NFATC1: variants seen among roughly 807,000 people sequenced by gnomAD.
NFATC1 encodes nuclear factor of activated T-cells, cytoplasmic 1.
In NFATC1, 22 loss-of-function variants were observed where a neutral mutation model predicts 76.0. That is an observed-to-expected ratio of 0.29 (90% CI 0.21 to 0.41). NFATC1 has a LOEUF of 0.41. Among genes scored for constraint, NFATC1 ranks in the 10% least tolerant of loss-of-function variants. The pLI is 1.00. For synonymous variants in NFATC1, 704 were observed against 613.1 expected, an observed-to-expected ratio of 1.15 and a Z score of -2.19; for missense variants, 1,357 against 1,337.7, an observed-to-expected ratio of 1.01 and a Z score of -0.23.
At chr18:79,438,709 G>A (rs1600713973) in intron 3 of NFATC1, among the ~76,000 whole-genome samples, 1 of 152,180 alleles carries the variant, frequency 6.6e-6, no homozygotes, top group Non-Finnish European at 1.5e-5. Flanking sequence ...CCTCAGCCGC[G>A]CGGGTGAGAG....
chr18:79,439,195 T>C (rs1600715317), intron 3 of NFATC1, among the ~76,000 whole-genome samples: 1 of 152,086 alleles, frequency 6.6e-6, no homozygotes, highest in East Asian at 1.9e-4. Flanking sequence ...ACACAGGAGC[T>C]CCTGGTTCTC....
At chr18:79,436,127 A>C (rs2086766009) in intron 3 of NFATC1, among the ~76,000 whole-genome samples, 1 of 152,228 alleles carries the variant, frequency 6.6e-6, no homozygotes, top group African/African-American at 2.4e-5. Flanking sequence ...GTTGCCGTGG[A>C]AGCTCCTCGT....
intron 1 of NFATC1, among the ~76,000 whole-genome samples, chr18:79,409,318 C>T (rs947549716): frequency 7.7e-6 from 1 of 129,944 alleles, no homozygotes; most frequent in Non-Finnish European, 1.7e-5. Flanking sequence ...TTCCTCCATT[C>T]CCTATCCATT....
At chr18:79,471,846 C>T (rs752013841) in intron 8 of NFATC1, among the ~76,000 whole-genome samples, 14 of 152,308 alleles carry the variant, frequency 9.2e-5, no homozygotes, top group South Asian at 2.1e-4. Flanking sequence ...GCGTGGGCCC[C>T]GAGCCCAGAC....
chr18:79,445,477 C>T (rs1568970903), intron 3 of NFATC1, among the ~76,000 whole-genome samples: 1 of 152,246 alleles, frequency 6.6e-6, no homozygotes, highest in Non-Finnish European at 1.5e-5. Flanking sequence ...CCACGGCCTT[C>T]ACCTGGAAGT....
In NFATC1 at chr18:79,461,299, C is replaced by G; in HGVS notation, c.1904-12C>G. On this transcript the variant is annotated splice_polypyrimidine_tract_variant and intron_variant, in intron 6 of 9. Coordinates refer to ENST00000427363, the MANE Select transcript of NFATC1 (RefSeq NM_001278669.2). ...CACAGAGTCACAGACGTTTCCTGCT[C>G]CTTTCTTCCAGATGGCCACCATGTC... 1 of 1,599,300 alleles carries G rather than the reference C, an allele frequency of 6.3e-7. No homozygotes were observed.
At chr18:79,407,979 C>T (rs1055788731) in intron 1 of NFATC1, among the ~76,000 whole-genome samples, 18 of 121,328 alleles carry the variant, frequency 1.5e-4, no homozygotes, top group Admixed American at 1.0e-3. Flanking sequence ...GTGGCTCCAT[C>T]GCAGCTCTGT....
intron 1 of NFATC1, among the ~76,000 whole-genome samples, chr18:79,397,347 T>C (rs545262623): frequency 2.0e-5 from 3 of 152,350 alleles, no homozygotes; most frequent in East Asian, 3.9e-4. Flanking sequence ...ACATATGTAC[T>C]TCATAAGGGC....
chr18:79,416,275 A>G (rs2085873082), intron 2 of NFATC1, among the ~76,000 whole-genome samples: 1 of 152,286 alleles, frequency 6.6e-6, no homozygotes, highest in Non-Finnish European at 1.5e-5. Context: ...GCACAGTAAC[A>G]GGTGGACTCT....
At chr18:79,519,067 T>G (rs1600991876) in intron 9 of NFATC1, among the ~76,000 whole-genome samples, 1 of 152,356 alleles carries the variant, frequency 6.6e-6, no homozygotes, top group East Asian at 1.9e-4. Context: ...GGCTCCCTTT[T>G]GCTAAACCTT....
chr18:79,424,815 G>GCC, intron 2 of NFATC1, among the ~76,000 whole-genome samples: 1 of 107,134 alleles, frequency 9.3e-6, no homozygotes, highest in South Asian at 2.8e-4. Context: ...GTCTGTCTCT[G>GCC]TCTCTCTGTC....
chr18:79,459,336 C>T (rs904436308), intron 6 of NFATC1, among the ~76,000 whole-genome samples: 5 of 152,244 alleles, frequency 3.3e-5, no homozygotes, highest in African/African-American at 9.6e-5. Flanking sequence ...GCCGTCGTTC[C>T]ATTTGCTTTT....
At position 79,396,274 on chromosome 18, in the gene NFATC1, C is replaced by A. The variant is rs866806091; in HGVS notation, c.50C>A (p.Ala17Glu). The part of the protein sequence containing the change: ...PVPSKFPLGP[A>E]AAVFGRGETL... ...CCTTCCAAGTTTCCACTTGGCCCTG[C>A]GGCTGCGGTCTTCGGGAGAGGAGAA... The change falls in exon 1 of 10, where the codon GCG becomes GAG. Residue 17 changes from alanine to glutamate, a missense_variant. Physicochemically the swap from Ala to Glu is moderately radical, Grantham distance 107 (BLOSUM62 -1). Around this residue, in one of 3 missense-constraint regions of NFATC1, gnomAD observed 691 missense variants for 613.1 expected, o/e 1.13. Transcript: ENST00000427363. The A allele has an allele frequency of 6.8e-7, 1 of 1,473,868 alleles. No individual in the cohort carries two copies. Among genetic ancestry groups the A allele is most frequent in the East Asian group, 3.0e-5 (1 of 33,446 alleles). The allele number at this position is 1,473,868 out of a possible 1,614,324, so 91.3% of individuals were successfully genotyped here. A position where few individuals can be genotyped will look rare whatever the true frequency, so the allele number is the denominator to read the frequency against.
In NFATC1 at chr18:79,486,355, C is replaced by T; in HGVS notation, c.2200C>T (p.Leu734Phe). Residue 734 changes from leucine to phenylalanine, a missense_variant, in exon 9 of 10, where the codon CTC becomes TTC. Physicochemically the swap from Leu to Phe is conservative, Grantham distance 22 (BLOSUM62 0). This residue lies in a region of NFATC1 where 424 missense variants were observed against 395.4 expected (regional missense o/e 1.07). Transcript: ENST00000427363. ...CCCAAGACCATACTACAGCCAGCAG[C>T]TCGCGATGCCACCCGACCCCAGCTC... ...PLPRPYYSQQ[L>F]AMPPDPSSCL... 1 of 1,613,140 alleles carries T rather than the reference C, an allele frequency of 6.2e-7. No individual in the cohort carries two copies. The highest frequency in any genetic ancestry group is 8.5e-7 in the Non-Finnish European group (1 of 1,180,022).
intron 1 of NFATC1, among the ~76,000 whole-genome samples, chr18:79,407,906 C>A (rs766451971): frequency 6.6e-6 from 1 of 152,216 alleles, no homozygotes; most frequent in Non-Finnish European, 1.5e-5. Flanking sequence ...CCTTCCCATA[C>A]GAAGACATCC....
intron 1 of NFATC1, among the ~76,000 whole-genome samples, chr18:79,399,077 A>C (rs2085097189): frequency 6.6e-6 from 1 of 152,286 alleles, no homozygotes; most frequent in Non-Finnish European, 1.5e-5. Flanking sequence ...AAACAAACAA[A>C]AACCTGTACA....
At chr18:79,440,626 C>A (rs1057080351) in intron 3 of NFATC1, among the ~76,000 whole-genome samples, 1 of 152,342 alleles carries the variant, frequency 6.6e-6, no homozygotes, top group Non-Finnish European at 1.5e-5. Context: ...TCTCCGAGGA[C>A]CTGGGGCTGT....
chr18:79,424,322 G>A lies in NFATC1; in HGVS notation c.1227-9257G>A, dbSNP rs1034777115. On this transcript the variant is annotated intron_variant, in intron 2 of 9. Coordinates refer to ENST00000427363, the MANE Select transcript of NFATC1 (RefSeq NM_001278669.2). ...GGGCGGGCAAAACTTTCTCAGGGCC[G>A]AGTTCTGCCGGCACAGGTCAGGGGG... Among the ~76,000 whole-genome samples the A allele has an allele frequency of 7.9e-5, 12 of 152,204 alleles. No homozygotes were observed. In the East Asian group the frequency reaches 1.2e-3, roughly 15 times the overall value.
intron 2 of NFATC1, among the ~76,000 whole-genome samples, chr18:79,433,216 G>T (rs1320812482): frequency 6.6e-6 from 1 of 152,222 alleles, no homozygotes; most frequent in Non-Finnish European, 1.5e-5. Context: ...GCGAGGAGAG[G>T]TTTGAGCTTC....
Sources: gnomAD v4.1 joint callset for allele counts (sites outside exome capture counted in the v4.1 genomes callset) on GRCh38, gnomAD v4.1.1 for gene constraint, gnomAD v4.1.1 regional missense constraint, MANE v1.5 for transcripts, NCBI Gene and HGNC (gene_info 2026-07-23, HGNC 2026-07-21) for gene names.